Variants in STIP1 observed in about 807,000 individuals in gnomAD.
STIP1 encodes stress-induced-phosphoprotein 1.
In STIP1, 16 loss-of-function variants were observed where a neutral mutation model predicts 77.4. The observed-to-expected ratio is 0.21, with a 90% confidence interval of 0.14 to 0.31. The LOEUF is 0.31. Among genes scored for constraint, STIP1 ranks in the 10% least tolerant of loss-of-function variants. STIP1 has a pLI of 1.00. For synonymous variants in STIP1, 258 were observed against 246.6 expected (o/e 1.05, Z -0.44); for missense variants, 524 against 684.8 (o/e 0.77, Z 2.62).
chr11:64,198,237 T>C (rs1946172851), intron 8 of STIP1, among the ~76,000 whole-genome samples: 1 of 151,000 alleles, frequency 6.6e-6, no homozygotes, highest in African/African-American at 2.4e-5. Flanking sequence ...TTTTTTGAGA[T>C]GGAGTCTGTT....
At chr11:64,197,636 G>A in intron 7 of STIP1, 41 bp downstream of exon 7, 1 of 1,610,610 alleles carries the variant, frequency 6.2e-7, no homozygotes, top group Non-Finnish European at 8.5e-7. Flanking sequence ...AGCGCGGAGG[G>A]TTTGCTGTCC....
chr11:64,195,570 G>GT, intron 4 of STIP1, 75 bp from the exon 5 acceptor site: 1 of 1,406,878 alleles, frequency 7.1e-7, no homozygotes, highest in Non-Finnish European at 9.5e-7. Context: ...GACTTTAGTA[G>GT]TAAGTGGGAG....
intron 9 of STIP1, 39 bp downstream of exon 9, chr11:64,200,075 G>C: frequency 6.2e-7 from 1 of 1,613,948 alleles, no homozygotes; most frequent in Non-Finnish European, 8.5e-7. Flanking sequence ...AGCAGTGCTG[G>C]GTGTGCCTCC....
intron 13 of STIP1, 37 bp downstream of exon 13, chr11:64,203,659 G>C: frequency 6.2e-7 from 1 of 1,613,702 alleles, no homozygotes; most frequent in Non-Finnish European, 8.5e-7. Context: ...GCTGGAAATG[G>C]AGAACAAAAG....
upstream of STIP1, chr11:64,185,656 C>A: frequency 2.2e-6 from 2 of 918,876 alleles, no homozygotes; most frequent in Non-Finnish European, 3.2e-6. Flanking sequence ...AGAGGCCCCG[C>A]AGCCGCCGGC....
intron 12 of STIP1, 98 bp from the exon 13 acceptor site, chr11:64,203,352 T>TTA: frequency 6.3e-7 from 1 of 1,584,494 alleles, no homozygotes; most frequent in Non-Finnish European, 8.6e-7. Flanking sequence ...TTACTTGTTC[T>TTA]CTCTCCCCTT....
At position 64,197,930 on chromosome 11, in the gene STIP1, C is replaced by T. The variant is rs1946168988; in HGVS notation, c.979C>T (p.Leu327=). 8.1e-6 allele frequency: 13 copies of T among 1,613,522 alleles called. No individual in the cohort carries two copies. The highest frequency in any genetic ancestry group is 1.8e-4 in the Middle Eastern group (1 of 5,658). ...TGCCATCCATTTCTATAACAAGTCTCTGGCAGAGCACCGAACCCCAGATGT... is the reference window on the plus strand; with the variant it reads ...TGCCATCCATTTCTATAACAAGTCTTTGGCAGAGCACCGAACCCCAGATGT... ...KDAIHFYNKS[L]AEHRTPDVLK... Residue 327 remains leucine, a synonymous_variant, in exon 8 of 14, where the codon CTG becomes TTG. Transcript: ENST00000305218.
intron 8 of STIP1, among the ~76,000 whole-genome samples, chr11:64,199,259 C>CTT (rs1946187198): frequency 6.7e-6 from 1 of 150,294 alleles, no homozygotes; most frequent in Non-Finnish European, 1.5e-5. Flanking sequence ...GATCCCAGCA[C>CTT]TTTGGGAGGC....
chr11:64,203,484 C>T lies in STIP1; in HGVS notation c.1421C>T (p.Ala474Val). 3 of 1,614,032 alleles carry T rather than the reference C, an allele frequency of 1.9e-6. No individual in the cohort carries two copies. The highest frequency in any genetic ancestry group is 2.5e-6 in the Non-Finnish European group (3 of 1,180,014). ...GACGGCTACCAGCGCTGTATGATGG[C>T]GCAGTACAACCGGCACGACAGCCCC... The part of the protein sequence containing the change: ...AADGYQRCMM[A>V]QYNRHDSPED... Residue 474 changes from alanine (A) to valine (V), a missense_variant, in exon 13 of 14, where the codon GCG (alanine) becomes GTG (valine). Transcript: ENST00000305218.
chr11:64,200,594 T>C (rs1359987246), intron 10 of STIP1, among the ~76,000 whole-genome samples: 2 of 62,232 alleles, frequency 3.2e-5, no homozygotes, highest in East Asian at 1.0e-3. Flanking sequence ...ACTGGTCGTG[T>C]GTGTGTGTGT....
chr11:64,194,384 C>G (rs1405851403), intron 3 of STIP1, 54 bp downstream of exon 3: 1 of 1,610,552 alleles, frequency 6.2e-7, no homozygotes, highest in Non-Finnish European at 8.5e-7. Flanking sequence ...AATTTTGAGT[C>G]TTCACCCCTG....
At chr11:64,190,990 C>T (rs769470187) in intron 1 of STIP1, among the ~76,000 whole-genome samples, 1 of 151,710 alleles carries the variant, frequency 6.6e-6, no homozygotes, top group Non-Finnish European at 1.5e-5. Flanking sequence ...GAGTTCAAGA[C>T]CAGCCTGACC....
At chr11:64,193,480 G>A (rs906336830) in intron 2 of STIP1, 193 bp downstream of exon 2, 4 of 602,636 alleles carry the variant, frequency 6.6e-6, no homozygotes, top group Non-Finnish European at 1.2e-5. Flanking sequence ...TTTATTTTTG[G>A]TACTAAGAAG....
At chr11:64,186,143 AG>A (rs557584691), upstream of STIP1, 1,304 of 1,550,828 alleles carry the variant, frequency 8.4e-4, 8 homozygotes, top group Middle Eastern at 0.019. Context: ...TGAGCAGGCG[AG>A]GAAGGGGCGG....
At position 64,203,619 on chromosome 11, in the gene STIP1, G is replaced by T. The variant is rs1565284589; in HGVS notation, c.1556G>T (p.Ser519Ile). 6.2e-7 allele frequency: 1 copy of T among 1,614,220 alleles called. No individual in the cohort carries two copies. Among genetic ancestry groups the T allele is most frequent in the South Asian group, 1.1e-5 (1 of 91,090 alleles). Residue 519 changes from serine (S) to isoleucine (I), a missense_variant, in exon 13 of 14, where the codon AGC becomes ATC. Transcript: ENST00000305218. ...EQMQKDPQAL[S>I]EHLKNPVIAQ... ...ATGCAGAAGGACCCCCAGGCACTCAGCGAGTACGTAGAGTCAGAGAGGCGG... is the reference window on the plus strand; with the variant it reads ...ATGCAGAAGGACCCCCAGGCACTCATCGAGTACGTAGAGTCAGAGAGGCGG...
chr11:64,190,945 T>C (rs1048496495), intron 1 of STIP1, among the ~76,000 whole-genome samples: 1 of 152,138 alleles, frequency 6.6e-6, no homozygotes, highest in African/African-American at 2.4e-5. Flanking sequence ...CCCAGCACTT[T>C]GGGAGGCCAA....
intron 8 of STIP1, 125 bp downstream of exon 8, chr11:64,198,099 C>G: frequency 7.5e-7 from 1 of 1,335,712 alleles, no homozygotes; most frequent in Non-Finnish European, 1.0e-6. Flanking sequence ...CACTCTTTCA[C>G]CCAGGCTGAA....
intron 10 of STIP1, among the ~76,000 whole-genome samples, chr11:64,202,092 T>C (rs563071009): frequency 6.8e-4 from 104 of 152,344 alleles, no homozygotes; most frequent in African/African-American, 2.4e-3. Flanking sequence ...AAAAGACTCC[T>C]GTCCAGTGCA....
chr11:64,186,672 C>T (rs1014317282), intron 1 of STIP1, among the ~76,000 whole-genome samples: 18 of 152,316 alleles, frequency 1.2e-4, no homozygotes, highest in African/African-American at 3.1e-4. Context: ...GCGAGGTAGC[C>T]CTCCGGGAGA....
Sources: gnomAD v4.1 joint callset for allele counts (sites outside exome capture counted in the v4.1 genomes callset) on GRCh38, gnomAD v4.1.1 for gene constraint, MANE v1.5 for transcripts, NCBI Gene and HGNC (gene_info 2026-07-23, HGNC 2026-07-21) for gene names.